Variants in CRYGA observed in about 807,000 individuals in gnomAD.
CRYGA encodes crystallin gamma A.
A neutral mutation model predicts 13.8 loss-of-function variants in CRYGA; 11 were observed. That is an observed-to-expected ratio of 0.80 (90% CI 0.50 to 1.32). The LOEUF (loss-of-function observed/expected upper bound fraction) is 1.32. Among genes scored for constraint, CRYGA ranks in the 40% most tolerant of loss-of-function variants. CRYGA has a pLI of 0.00. For synonymous variants in CRYGA, 97 were observed against 89.3 expected, an observed-to-expected ratio of 1.09 and a Z score of -0.48; for missense variants, 271 against 234.1, an observed-to-expected ratio of 1.16 and a Z score of -1.03.
chr2:208,163,346 CG>C lies in CRYGA; in HGVS notation c.109del (p.Arg37GlufsTer2). 1 of 1,613,966 alleles carries C rather than the reference CG, an allele frequency of 6.2e-7. No individual in the cohort carries two copies. Among genetic ancestry groups the C allele is most frequent in the Non-Finnish European group, 8.5e-7 (1 of 1,180,008 alleles). On this transcript the variant is annotated frameshift_variant, in exon 2 of 3. Coordinates refer to ENST00000304502, the MANE Select transcript of CRYGA (RefSeq NM_014617.4). LOFTEE classifies it high-confidence loss of function. The part of the protein sequence containing the change: ...RVYFSRCNSI[R>X]VDSGCWMLYE... Reference sequence around the variant, plus strand: ...GAGCATCCAGCAGCCGCTGTCTACTCGGATGGAGTTGCAGCGGCTGAAGTAG... The same window carrying C: ...GAGCATCCAGCAGCCGCTGTCTACTCGATGGAGTTGCAGCGGCTGAAGTAG...
Position 208,163,432 on chromosome 2 carries a change from C to T in CRYGA, c.24G>A (p.Glu8=), listed in dbSNP as rs1375821504. The change falls in exon 2 of 3, where the codon GAG becomes GAA. Residue 8 remains glutamate (E), a synonymous_variant. Coordinates refer to ENST00000304502, the MANE Select transcript of CRYGA (RefSeq NM_014617.4). The part of the protein sequence containing the change: MGKITFY[E]DRDFQGRCYN... Reference sequence around the variant, plus strand: ...AGCAGCGACCCTGAAAGTCTCGGTCCTCGTAGAAGGTGATCTGAGGTAGAA... The same window carrying T: ...AGCAGCGACCCTGAAAGTCTCGGTCTTCGTAGAAGGTGATCTGAGGTAGAA... 1 of 1,613,588 alleles carries T rather than the reference C, an allele frequency of 6.2e-7. No homozygotes were observed. Among genetic ancestry groups the T allele is most frequent in the Admixed American group, 1.7e-5 (1 of 59,906 alleles).
intron 2 of CRYGA, among the ~76,000 whole-genome samples, 163 bp from the exon 3 acceptor site, chr2:208,161,239 C>T (rs1264868994): frequency 1.3e-5 from 2 of 152,096 alleles, no homozygotes; most frequent in Admixed American, 6.5e-5. Context: ...GTGGCAGGAT[C>T]ACTGCTCACT....
At position 208,163,386 on chromosome 2, in the gene CRYGA, G is replaced by T; in HGVS notation, c.70C>A (p.Pro24Thr). The change falls in exon 2 of 3, where the codon CCC becomes ACC. Residue 24 changes from proline (P) to threonine (T), a missense_variant. Transcript: ENST00000304502. ...CGGCTGAAGTAGACCCGCAGGTTGG[G>T]GCAGTCACTGATGCAATTGTAGCAG... ...GRCYNCISDCPNLRVYFSRCN... is the reference protein window; with the variant it reads ...GRCYNCISDCTNLRVYFSRCN... The T allele has an allele frequency of 6.2e-7, 1 of 1,613,874 alleles. No homozygotes were observed. Among genetic ancestry groups the T allele is most frequent in the Non-Finnish European group, 8.5e-7 (1 of 1,179,988 alleles).
chr2:208,160,972 A>T lies in CRYGA; in HGVS notation c.357T>A (p.Pro119=), dbSNP rs116555712. The change falls in exon 3 of 3, where the codon CCT becomes CCA. Residue 119 remains proline, a synonymous_variant. Coordinates refer to ENST00000304502, the MANE Select transcript of CRYGA (RefSeq NM_014617.4). ...CCAGTACGTGGAGGGAATAGATCTC[A>T]GGGAGACGGAACAGTTCTGGAACAC... ...CACVPELFRL[P]EIYSLHVLEG... 5.5e-4 allele frequency: 890 copies of T among 1,610,812 alleles called. 6 individuals are homozygous for T. In the African/African-American group the frequency reaches 0.011, roughly 19 times the overall value.
intron 2 of CRYGA, 50 bp from the exon 3 acceptor site, chr2:208,161,126 G>C (rs534897186): frequency 3.2e-6 from 5 of 1,566,968 alleles, no homozygotes; most frequent in African/African-American, 1.4e-5. Context: ...TGCATCCTTG[G>C]GTGTCAACGA....
At position 208,163,243 on chromosome 2, in the gene CRYGA, G is replaced by C; in HGVS notation, c.213C>G (p.Gly71=). 6.2e-7 allele frequency: 1 copy of C among 1,613,892 alleles called. No individual in the cohort carries two copies. The highest frequency in any genetic ancestry group is 8.5e-7 in the Non-Finnish European group (1 of 1,179,996). ...GKYPDYQHWM[G]LSDSVQSCRI... is the part of the protein sequence containing the mutation. ...GGCAGGATTGGACCGAGTCGCTGAG[G>C]CCCATCCAGTGCTGATAGTCGGGGT... is the stretch of plus-strand genomic sequence containing the variant. The change falls in exon 2 of 3, where the codon GGC becomes GGG. Residue 71 remains glycine (G), a synonymous_variant. Coordinates refer to ENST00000304502, the MANE Select transcript of CRYGA (RefSeq NM_014617.4).
At chr2:208,163,475 A>G in intron 1 of CRYGA, 29 bp from the exon 2 acceptor site, 1 of 1,613,024 alleles carries the variant, frequency 6.2e-7, no homozygotes, top group Non-Finnish European at 8.5e-7. Flanking sequence ...GACAGTAGAC[A>G]GTCAGCTGGA....
At chr2:208,161,178 T>C (rs1365759069) in intron 2 of CRYGA, 102 bp from the exon 3 acceptor site, 6 of 1,187,304 alleles carry the variant, frequency 5.1e-6, no homozygotes, top group Non-Finnish European at 7.1e-6. Flanking sequence ...GCATGGCTTT[T>C]ATTTTATTTT....
rs1461052728 is a variant in CRYGA, at chr2:208,163,193, G to A, written c.252+11C>T. 6.2e-7 allele frequency: 1 copy of A among 1,606,636 alleles called. No homozygotes were observed. The highest frequency in any genetic ancestry group is 8.5e-7 in the Non-Finnish European group (1 of 1,174,844). Reference sequence around the variant, plus strand: ...ATGCTTTCACATCAGTCAAGTTGAAGCAAGACTCACATGAGGAATTATACG... The same window carrying A: ...ATGCTTTCACATCAGTCAAGTTGAAACAAGACTCACATGAGGAATTATACG... On this transcript the variant is annotated intron_variant, in intron 2 of 2. Coordinates refer to ENST00000304502, the MANE Select transcript of CRYGA (RefSeq NM_014617.4).
intron 2 of CRYGA, 35 bp downstream of exon 2, chr2:208,163,169 T>C (rs1307955545): frequency 1.3e-6 from 2 of 1,571,844 alleles, no homozygotes; most frequent in Non-Finnish European, 8.7e-7. Flanking sequence ...GGATCATTGA[T>C]GCTTTCACAT....
Position 208,160,861 on chromosome 2 carries a change from G to T in CRYGA, c.468C>A (p.Asp156Glu). 7 of 1,612,248 alleles carry T rather than the reference G, an allele frequency of 4.3e-6. No homozygotes were observed. Among genetic ancestry groups the T allele is most frequent in the Non-Finnish European group, 5.9e-6 (7 of 1,178,354 alleles). The change falls in exon 3 of 3, where the codon GAC becomes GAA. Residue 156 changes from aspartate to glutamate, a missense_variant. Transcript: ENST00000304502. ...CGACTTTGGCATCTGCACCCCCCCA[G>T]TCGTGGTACCTTCTGTAGTCCCCAG... The part of the protein sequence containing the change: ...LRPGDYRRYH[D>E]WGGADAKVGS...
At position 208,163,472 on chromosome 2, in the gene CRYGA, G is replaced by T. The variant is rs772816574; in HGVS notation, c.10-26C>A. 6.2e-6 allele frequency: 10 copies of T among 1,612,842 alleles called. No individual in the cohort carries two copies. The Admixed American group carries it at 1.0e-4, about 16-fold the overall frequency. On this transcript the variant is annotated intron_variant, in intron 1 of 2. Transcript: ENST00000304502. ...CTGAGGTAGAAATAAGGTGACAGTA[G>T]ACAGTCAGCTGGAAGGAACATCCCC...
Position 208,160,794 on chromosome 2 carries a change from C to T in CRYGA, c.*10G>A. The T allele has an allele frequency of 6.4e-7, 1 of 1,560,632 alleles. No homozygotes were observed. The highest frequency in any genetic ancestry group is 1.4e-5 in the African/African-American group (1 of 73,748). On this transcript the variant is annotated 3_prime_UTR_variant, in exon 3 of 3. Transcript: ENST00000304502. ...TGTTTCTATGGGGATCACAACAAGG[C>T]AGGCACAGCTTAGTACAAATCGGTG... is the stretch of plus-strand genomic sequence containing the variant.
chr2:208,163,490 A>G, intron 1 of CRYGA, 44 bp from the exon 2 acceptor site: 1 of 1,612,370 alleles, frequency 6.2e-7, no homozygotes, highest in Non-Finnish European at 8.5e-7. Flanking sequence ...GCTGGAAGGA[A>G]CATCCCCACA....
intron 2 of CRYGA, among the ~76,000 whole-genome samples, chr2:208,162,104 T>A (rs1243822189): frequency 1.3e-5 from 2 of 152,044 alleles, no homozygotes; most frequent in African/African-American, 4.8e-5. Context: ...GCCTGGCTAA[T>A]GTTTTGTATT....
rs1695741251 is a variant in CRYGA at position 208,160,855 on chromosome 2, C to T, written c.474G>A (p.Gly158=). Residue 158 remains glycine (G), a synonymous_variant, in exon 3 of 3, where the codon GGG becomes GGA. Transcript: ENST00000304502. The stretch of plus-strand genomic sequence containing the variant: ...AAGAGCCGACTTTGGCATCTGCACC[C>T]CCCCAGTCGTGGTACCTTCTGTAGT... ...PGDYRRYHDW[G]GADAKVGSLR... The T allele has an allele frequency of 6.2e-7, 1 of 1,611,572 alleles. No individual in the cohort carries two copies. The highest frequency in any genetic ancestry group is 1.1e-5 in the South Asian group (1 of 91,044).
intron 2 of CRYGA, 141 bp from the exon 3 acceptor site, chr2:208,161,217 G>GC (rs1695751959): frequency 1.2e-6 from 1 of 844,462 alleles, no homozygotes. Flanking sequence ...GTGTTGCCCA[G>GC]GCTGGAGTAC....
chr2:208,161,018 TCA>T lies in CRYGA; in HGVS notation c.309_310del (p.Glu104AlafsTer3). ...AACACAGGCGCAGTCATCAGTGAGC[TCA>T]GACATAAGGCCTCGGTAGTCATCTC... On this transcript the variant is annotated frameshift_variant, in exon 3 of 3. Coordinates refer to ENST00000304502, the MANE Select transcript of CRYGA (RefSeq NM_014617.4). LOFTEE classifies it high-confidence loss of function. 1.9e-6 allele frequency: 3 copies of T among 1,614,040 alleles called. No homozygotes were observed. The highest frequency in any genetic ancestry group is 2.5e-6 in the Non-Finnish European group (3 of 1,179,966).
intron 2 of CRYGA, 24 bp downstream of exon 2, chr2:208,163,180 C>A (rs1443777090): frequency 1.3e-6 from 2 of 1,589,400 alleles, no homozygotes; most frequent in African/African-American, 2.7e-5. Flanking sequence ...GCTTTCACAT[C>A]AGTCAAGTTG....
Sources: gnomAD v4.1 joint callset for allele counts (sites outside exome capture counted in the v4.1 genomes callset) on GRCh38, gnomAD v4.1.1 for gene constraint, MANE v1.5 for transcripts, NCBI Gene and HGNC (gene_info 2026-07-23, HGNC 2026-07-21) for gene names.